Variants in SNN observed in about 807,000 individuals in gnomAD.
The protein encoded by SNN is AG8_1.
SNN carries 5 observed loss-of-function variants against 5.3 expected under a neutral mutation model. The observed-to-expected ratio is 0.94, with a 90% CI of 0.49 to 1.97. SNN has a LOEUF of 1.97. Among genes scored for constraint, SNN ranks in the 30% most tolerant of loss-of-function variants. The pLI is 0.01. For missense variants in SNN, 127 were observed against 121.6 expected (o/e 1.04, Z -0.21); for synonymous variants, 67 against 52.1 (o/e 1.29, Z -1.24).
At chr16:11,670,528 T>C (rs1433521028) in intron 1 of SNN, among the ~76,000 whole-genome samples, 1 of 152,146 alleles carries the variant, frequency 6.6e-6, no homozygotes, top group Admixed American at 6.5e-5. Flanking sequence ...CACAGGAAGG[T>C]GTGGCTGGTG....
rs1050048 is a variant in SNN at position 11,677,615 on chromosome 16, T to C, written c.*1289T>C. 11,552 of 158,136 alleles carry C rather than the reference T, an allele frequency of 0.073. 575 individuals carry two copies. The highest frequency in any genetic ancestry group is 0.13 in the South Asian group (634 of 4,820). 9.8% of individuals were successfully genotyped at this position (158,136 alleles called of 1,614,324 possible). On this transcript the variant is annotated 3_prime_UTR_variant, in exon 2 of 2. Coordinates refer to ENST00000329565, the MANE Select transcript of SNN (RefSeq NM_003498.6). This position sits in a 1 kb window ranked among gnomAD's most constrained non-coding sequence, Gnocchi z 4.2. ...CCCACAGGTGGTGAGCTGGTGGCTC[T>C]CTGGTGAGCTAGTGTCTCCACAGCC...
At position 11,671,074 on chromosome 16, in the gene SNN, G is replaced by C. The variant is rs1411084217; in HGVS notation, c.-86+2534G>C. On this transcript the variant is annotated intron_variant, in intron 1 of 1. Transcript: ENST00000329565. The surrounding 1 kb of genome is among the most constrained non-coding windows in gnomAD (Gnocchi z 4.7). ...GGCGGTGCAGGCCCCCGCTCACCTG[G>C]CATGGCTCAGGCTTGTCTTGCAGTT... Among the ~76,000 whole-genome samples the C allele has an allele frequency of 6.6e-6, 1 of 152,248 alleles. No homozygotes were observed. Among genetic ancestry groups the C allele is most frequent in the Non-Finnish European group, 1.5e-5 (1 of 68,048 alleles).
At chr16:11,675,838 G>GTAGATCTC in intron 1 of SNN, 137 bp from the exon 2 acceptor site, 2 of 522,238 alleles carry the variant, frequency 3.8e-6, no homozygotes, top group Non-Finnish European at 6.8e-6. Context: ...GGGTGAGCGT[G>GTAGATCTC]GGTGAGCAGA....
At chr16:11,675,258 CTTTTTTT>C (rs769141223) in intron 1 of SNN, among the ~76,000 whole-genome samples, 36 of 125,312 alleles carry the variant, frequency 2.9e-4, no homozygotes, top group South Asian at 5.2e-4. Flanking sequence ...TTTTTTTTTT[CTTTTTTT>C]TTTTTTTTTT....
At position 11,672,262 on chromosome 16, in the gene SNN, T is replaced by A. The variant is rs578009918; in HGVS notation, c.-85-3713T>A. On this transcript the variant is annotated intron_variant, in intron 1 of 1. Coordinates refer to ENST00000329565, the MANE Select transcript of SNN (RefSeq NM_003498.6). This position sits in a 1 kb window ranked among gnomAD's most constrained non-coding sequence, Gnocchi z 6.0. ...CTGCCTTGGAGTCCAGTGCGGGGAG[T>A]GAGACAGCAGCCAGGGGACAGCCCC... 3.3e-5 allele frequency among the ~76,000 whole-genome samples: 5 copies of A among 150,940 alleles called. No individual in the cohort carries two copies. The South Asian group carries it at 1.1e-3, about 32-fold the overall frequency.
Position 11,677,909 on chromosome 16 carries a change from T to C in SNN, c.*1583T>C, listed in dbSNP as rs961890101. 5 of 167,170 alleles carry C rather than the reference T, an allele frequency of 3.0e-5. No homozygotes were observed. Among genetic ancestry groups the C allele is most frequent in the Non-Finnish European group, 5.9e-5 (4 of 68,180 alleles). The allele number at this position is 167,170 out of a possible 1,614,324, so 10.4% of individuals were successfully genotyped here. On this transcript the variant is annotated 3_prime_UTR_variant, in exon 2 of 2. Coordinates refer to ENST00000329565, the MANE Select transcript of SNN (RefSeq NM_003498.6). The surrounding 1 kb of genome is among the most constrained non-coding windows in gnomAD (Gnocchi z 4.2). ...AACCATGTTGAATGAATCCACGTTC[T>C]GGAACCCCGAGGCGGGAGAAGTAGG...
At position 11,676,741 on chromosome 16, in the gene SNN, T is replaced by C. The variant is rs778304111; in HGVS notation, c.*415T>C. The C allele has an allele frequency of 2.6e-5, 5 of 195,692 alleles. No individual in the cohort carries two copies. Among genetic ancestry groups the C allele is most frequent in the Non-Finnish European group, 6.0e-5 (5 of 83,894 alleles). 12.1% of individuals were successfully genotyped at this position (195,692 alleles called of 1,614,324 possible). On this transcript the variant is annotated 3_prime_UTR_variant, in exon 2 of 2. Transcript: ENST00000329565. ...CATCTAGCGCACACGGGACTGGTAT[T>C]CTGGCTGTACTAATGACAAGCTGAG...
In SNN at chr16:11,672,180, G is replaced by T; in HGVS notation, c.-86+3640G>T. ...AGACCATTCACTGAGCACCTACTGT[G>T]TACCCGTGCAGGGCAGGGGTACAGC... On this transcript the variant is annotated intron_variant, in intron 1 of 1. Transcript: ENST00000329565. This position sits in a 1 kb window ranked among gnomAD's most constrained non-coding sequence, Gnocchi z 6.0. 6.6e-6 allele frequency among the ~76,000 whole-genome samples: 1 copy of T among 152,192 alleles called. No individual in the cohort carries two copies. Among genetic ancestry groups the T allele is most frequent in the South Asian group, 2.1e-4 (1 of 4,832 alleles).
At chr16:11,674,674 C>T (rs897801280) in intron 1 of SNN, among the ~76,000 whole-genome samples, 1 of 152,220 alleles carries the variant, frequency 6.6e-6, no homozygotes, top group African/African-American at 2.4e-5. Context: ...CCGCTCCCAC[C>T]CAAATCAGCT....
At position 11,668,954 on chromosome 16, in the gene SNN, C is replaced by G. The variant is rs960382549; in HGVS notation, c.-86+414C>G. ...AGGGGTCCAGGTGACGTCCGGCGCC[C>G]GTCTCGCGGGTAGGGAAACTGAGGC... On this transcript the variant is annotated intron_variant, in intron 1 of 1. Transcript: ENST00000329565. This position sits in a 1 kb window ranked among gnomAD's most constrained non-coding sequence, Gnocchi z 6.8. Among the ~76,000 whole-genome samples the G allele has an allele frequency of 6.6e-6, 1 of 151,860 alleles. No individual in the cohort carries two copies. Among genetic ancestry groups the G allele is most frequent in the African/African-American group, 2.4e-5 (1 of 41,352 alleles).
intron 1 of SNN, among the ~76,000 whole-genome samples, chr16:11,673,216 T>A (rs1403712812): frequency 1.3e-5 from 2 of 151,508 alleles, no homozygotes; most frequent in East Asian, 3.9e-4. Context: ...GTCAGAGGGG[T>A]CCCCTGTCCA....
chr16:11,674,014 G>A (rs761192284), intron 1 of SNN, among the ~76,000 whole-genome samples: 9 of 152,250 alleles, frequency 5.9e-5, no homozygotes, highest in Non-Finnish European at 1.0e-4. Flanking sequence ...CGCTGGGGGC[G>A]TTGACTTAGC....
chr16:11,669,216 G>C (rs1227430501), intron 1 of SNN, among the ~76,000 whole-genome samples: 1 of 152,140 alleles, frequency 6.6e-6, no homozygotes, highest in East Asian at 1.9e-4. Flanking sequence ...AGGGTGGAAC[G>C]GGAGGGTGCG....
At position 11,676,198 on chromosome 16, in the gene SNN, G is replaced by A. The variant is rs781752156; in HGVS notation, c.139G>A (p.Glu47Lys). Reference sequence around the variant, plus strand: ...GCAGCGCATCAGCCAGTCAGAGGACGAGGAGAGCATCGTGGGGGATGGGGA... The same window carrying A: ...GCAGCGCATCAGCCAGTCAGAGGACAAGGAGAGCATCGTGGGGGATGGGGA... ...RLQRISQSEDEESIVGDGETK... is the reference protein window; with the variant it reads ...RLQRISQSEDKESIVGDGETK... Residue 47 changes from glutamate (E) to lysine (K), a missense_variant, in exon 2 of 2, where the codon GAG becomes AAG. Transcript: ENST00000329565. 1.2e-6 allele frequency: 2 copies of A among 1,614,092 alleles called. No homozygotes were observed. Among genetic ancestry groups the A allele is most frequent in the Non-Finnish European group, 1.7e-6 (2 of 1,180,054 alleles).
At chr16:11,670,590 C>T (rs1183951797) in intron 1 of SNN, among the ~76,000 whole-genome samples, 2 of 152,210 alleles carry the variant, frequency 1.3e-5, no homozygotes, top group African/African-American at 2.4e-5. Flanking sequence ...TTTCTTACCA[C>T]TTCTCATCCT....
chr16:11,675,625 C>A (rs1350591667), intron 1 of SNN, among the ~76,000 whole-genome samples: 1 of 152,200 alleles, frequency 6.6e-6, no homozygotes, highest in Non-Finnish European at 1.5e-5. Flanking sequence ...TGCCCTCAGT[C>A]CCTGAGTGGT....
At chr16:11,670,651 G>C (rs1482465179) in intron 1 of SNN, among the ~76,000 whole-genome samples, 1 of 152,258 alleles carries the variant, frequency 6.6e-6, no homozygotes, top group Non-Finnish European at 1.5e-5. Flanking sequence ...TTTGCGCATT[G>C]AGAAACTGAG....
At position 11,672,023 on chromosome 16, in the gene SNN, G is replaced by A. The variant is rs532643269; in HGVS notation, c.-86+3483G>A. 1.8e-4 allele frequency among the ~76,000 whole-genome samples: 27 copies of A among 152,292 alleles called. No homozygotes were observed. The highest frequency in any genetic ancestry group is 6.5e-4 in the African/African-American group (27 of 41,560). On this transcript the variant is annotated intron_variant, in intron 1 of 1. Coordinates refer to ENST00000329565, the MANE Select transcript of SNN (RefSeq NM_003498.6). This position sits in a 1 kb window ranked among gnomAD's most constrained non-coding sequence, Gnocchi z 6.0. ...CTGCCGGCTTTTTTGAGTCTGTTGG[G>A]ACAGAACATGGGGACCTGTGCTCAG...
chr16:11,675,347 A>C (rs1295021586), intron 1 of SNN, among the ~76,000 whole-genome samples: 1 of 134,474 alleles, frequency 7.4e-6, no homozygotes. Context: ...GGCTCACTGC[A>C]ACCTCTGCCC....
Sources: gnomAD v4.1 joint callset for allele counts (sites outside exome capture counted in the v4.1 genomes callset) on GRCh38, gnomAD v4.1.1 for gene constraint, Gnocchi (gnomAD v3.1) non-coding constraint, MANE v1.5 for transcripts, NCBI Gene and HGNC (gene_info 2026-07-23, HGNC 2026-07-21) for gene names.